Variants in PBRM1 observed in about 807,000 individuals in gnomAD.
PBRM1 encodes the protein polybromo 1.
PBRM1 carries 27 observed loss-of-function variants against 194.5 expected under a neutral mutation model. The ratio of observed to expected loss-of-function variants is 0.14; its 90% CI spans 0.10 to 0.19. The LOEUF (loss-of-function observed/expected upper bound fraction) is 0.19, where lower values mean the gene tolerates loss of function less well. Among genes scored for constraint, PBRM1 ranks in the 10% least tolerant of loss-of-function variants. The pLI is 1.00. For missense variants in PBRM1, 1,466 were observed against 2,077.2 expected (o/e 0.71, Z 5.72); for synonymous variants, 655 against 693.2 (o/e 0.94, Z 0.87).
At chr3:52,631,687 C>T (rs2095622915) in intron 11 of PBRM1, among the ~76,000 whole-genome samples, 1 of 152,118 alleles carries the variant, frequency 6.6e-6, no homozygotes, top group Non-Finnish European at 1.5e-5. Flanking sequence ...AGCCACCTCG[C>T]CTGGCCAACT....
At position 52,645,790 on chromosome 3, in the gene PBRM1, T is replaced by C. The variant is rs571200159; in HGVS notation, c.814-1001A>G. Among the ~76,000 whole-genome samples the C allele has an allele frequency of 3.6e-4, 55 of 152,270 alleles. 1 individual carries two copies. The South Asian group carries it at 0.01, about 28-fold the overall frequency. On this transcript the variant is annotated intron_variant, in intron 7 of 29. Transcript: ENST00000296302. Reference sequence around the variant, plus strand: ...TGAGACCAGATAGGACAGAAGTGGATGGCATGAATTTCATCACAATACTCA... The same window carrying C: ...TGAGACCAGATAGGACAGAAGTGGACGGCATGAATTTCATCACAATACTCA...
chr3:52,639,244 G>A (rs536652407), intron 10 of PBRM1, among the ~76,000 whole-genome samples: 27 of 152,232 alleles, frequency 1.8e-4, no homozygotes, highest in African/African-American at 6.5e-4. Flanking sequence ...CAAAAGTGCC[G>A]GGATTACAGG....
intron 10 of PBRM1, among the ~76,000 whole-genome samples, chr3:52,636,757 C>CAAAAA (rs567776784): frequency 0.077 from 1,432 of 18,678 alleles, 281 homozygotes; most frequent in Non-Finnish European, 0.11. Context: ...ACTCTGTCTC[C>CAAAAA]AAAAAAAAAA....
At chr3:52,601,338 G>T (rs982530486) in intron 17 of PBRM1, among the ~76,000 whole-genome samples, 1 of 152,198 alleles carries the variant, frequency 6.6e-6, no homozygotes, top group African/African-American at 2.4e-5. Flanking sequence ...TGGGGTTTGT[G>T]TGGGTAAGAG....
intron 6 of PBRM1, 71 bp from the exon 8 acceptor site, chr3:52,648,513 C>A: frequency 1.3e-6 from 1 of 758,750 alleles, no homozygotes. Context: ...AAAAAAAGAA[C>A]CCCACATATT....
intron 14 of PBRM1, among the ~76,000 whole-genome samples, chr3:52,616,959 T>C (rs1258892333): frequency 2.0e-5 from 3 of 152,178 alleles, no homozygotes; most frequent in Non-Finnish European, 2.9e-5. Context: ...ACAACCCTGA[T>C]GCAAGTACTA....
chr3:52,648,300 C>CTAT, intron 7 of PBRM1, 44 bp downstream of exon 8: 1 of 1,083,966 alleles, frequency 9.2e-7, no homozygotes, highest in Admixed American at 2.0e-5. Flanking sequence ...AAATTATCTA[C>CTAT]TATTACCAAG....
At chr3:52,661,742 T>C (rs748374790) in intron 4 of PBRM1, among the ~76,000 whole-genome samples, 25 of 152,216 alleles carry the variant, frequency 1.6e-4, no homozygotes, top group Non-Finnish European at 3.2e-4. Context: ...GAACAGTAAC[T>C]ATTCTAACCT....
At chr3:52,670,180 C>CCCA (rs2096918777) in intron 2 of PBRM1, among the ~76,000 whole-genome samples, 1 of 152,130 alleles carries the variant, frequency 6.6e-6, no homozygotes, top group African/African-American at 2.4e-5. Context: ...GACACTATCC[C>CCCA]CCAGAATCAC....
chr3:52,618,898 T>C (rs2095125247), intron 13 of PBRM1, among the ~76,000 whole-genome samples: 1 of 152,182 alleles, frequency 6.6e-6, no homozygotes, highest in South Asian at 2.1e-4. Context: ...ATTACAGGCA[T>C]GCACCACCAC....
chr3:52,553,463 G>T (rs1559815290), intron 27 of PBRM1, among the ~76,000 whole-genome samples: 1 of 151,470 alleles, frequency 6.6e-6, no homozygotes, highest in Non-Finnish European at 1.5e-5. Context: ...TAGGAGGGTA[G>T]GCTAGGCTGT....
intron 21 of PBRM1, among the ~76,000 whole-genome samples, chr3:52,577,501 T>C (rs934514662): frequency 2.2e-4 from 33 of 151,690 alleles, no homozygotes; most frequent in Non-Finnish European, 1.5e-5. Context: ...AAAGCCATTA[T>C]TCTTGACAAC....
rs185481825 is a variant in PBRM1, at chr3:52,618,088, T to A, written c.1542-550A>T. On this transcript the variant is annotated intron_variant, in intron 13 of 29. Transcript: ENST00000296302. ...AGTGTCTTTACAGTGGGTATGAGCC[T>A]CTCTTGCATTGATTCTGTCAGGGTC... Among the ~76,000 whole-genome samples, 12 of 152,358 alleles carry A rather than the reference T, an allele frequency of 7.9e-5. No individual in the cohort carries two copies. In the East Asian group the frequency reaches 1.7e-3, roughly 22 times the overall value.
At chr3:52,595,964 T>C (rs2093495022) in intron 17 of PBRM1, among the ~76,000 whole-genome samples, 1 of 152,206 alleles carries the variant, frequency 6.6e-6, no homozygotes, top group East Asian at 1.9e-4. Context: ...CGTATGGATT[T>C]GTTTCTGGGT....
intron 22 of PBRM1, among the ~76,000 whole-genome samples, chr3:52,568,492 A>C (rs2086047482): frequency 6.6e-6 from 1 of 152,156 alleles, no homozygotes; most frequent in Non-Finnish European, 1.5e-5. Flanking sequence ...AGCTGAATTT[A>C]TCAGTATTTT....
At chr3:52,628,455 T>A (rs1283211442) in intron 12 of PBRM1, among the ~76,000 whole-genome samples, 4 of 138,666 alleles carry the variant, frequency 2.9e-5, no homozygotes, top group South Asian at 2.2e-4. Context: ...AATACATATT[T>A]TATATATATA....
intron 22 of PBRM1, among the ~76,000 whole-genome samples, chr3:52,566,955 G>A (rs1559923270): frequency 6.6e-6 from 1 of 151,846 alleles, no homozygotes; most frequent in Non-Finnish European, 1.5e-5. Flanking sequence ...TGTAATCCCA[G>A]CTACTCAGAA....
intron 8 of PBRM1, among the ~76,000 whole-genome samples, chr3:52,643,800 T>C (rs2096201322): frequency 1.3e-5 from 2 of 152,076 alleles, no homozygotes; most frequent in Non-Finnish European, 2.9e-5. Flanking sequence ...TGAAACCCTG[T>C]CTCTACTAAA....
At chr3:52,675,668 C>G (rs2097082120) in intron 2 of PBRM1, among the ~76,000 whole-genome samples, 1 of 152,136 alleles carries the variant, frequency 6.6e-6, no homozygotes, top group African/African-American at 2.4e-5. Context: ...GGTATAAAAA[C>G]AGACACAGGG....
Sources: allele counts gnomAD v4.1 joint callset (sites outside exome capture counted in the v4.1 genomes callset), GRCh38; gene constraint gnomAD v4.1.1; transcripts MANE v1.5; gene names NCBI Gene and HGNC (gene_info 2026-07-23, HGNC 2026-07-21).